PHC2: variants seen among roughly 807,000 people sequenced by gnomAD.
The protein encoded by PHC2 is polyhomeotic-like protein 2.
A neutral mutation model predicts 87.4 loss-of-function variants in PHC2; 29 were observed. That is an observed-to-expected ratio of 0.33 (90% confidence interval 0.25 to 0.45). The LOEUF is 0.45. PHC2 is among the 20% of genes least tolerant of loss of function. The pLI, the probability that PHC2 is intolerant of heterozygous loss-of-function variation, is 1.00. For missense variants in PHC2, 857 were observed against 1,136.7 expected (o/e 0.75, Z 3.54); for synonymous variants, 438 against 461.7 (o/e 0.95, Z 0.66).
At chr1:33,375,116 GTAT>G (rs1451272731) in intron 2 of PHC2, among the ~76,000 whole-genome samples, 3 of 152,318 alleles carry the variant, frequency 2.0e-5, no homozygotes, top group South Asian at 2.1e-4. Context: ...TCTTGGTCAT[GTAT>G]TATTTGTTAT....
intron 1 of PHC2, among the ~76,000 whole-genome samples, chr1:33,386,123 CTCAG>C (rs1308270776): frequency 6.6e-6 from 1 of 151,792 alleles, no homozygotes; most frequent in Non-Finnish European, 1.5e-5. Context: ...ATGTTATAAT[CTCAG>C]TCAGCTCTTC....
intron 14 of PHC2, among the ~76,000 whole-genome samples, chr1:33,326,816 G>C (rs978469826): frequency 3.9e-5 from 6 of 152,110 alleles, no homozygotes; most frequent in Non-Finnish European, 7.4e-5. Flanking sequence ...GCTGTGTGTG[G>C]TGGCGAATGT....
rs1648120393 is a variant in PHC2, at chr1:33,375,430, C to T, written c.110G>A (p.Ser37Asn). ...AATCTGGGGCCCGGTGGGGCGGCCA[C>T]TTCCACCACTGCTGCTGTTGTTGCA... The part of the protein sequence containing the change: ...SGCNNSSSGG[S>N]GRPTGPQISV... The change falls in exon 2 of 15, where the codon AGT becomes AAT. Residue 37 changes from serine to asparagine, a missense_variant. Coordinates refer to ENST00000683057, the MANE Select transcript of PHC2 (RefSeq NM_001385109.1). The T allele has an allele frequency of 6.2e-7, 1 of 1,612,386 alleles. No individual in the cohort carries two copies. Among genetic ancestry groups the T allele is most frequent in the East Asian group, 2.2e-5 (1 of 44,658 alleles).
At chr1:33,372,979 G>C (rs1192566239) in intron 2 of PHC2, among the ~76,000 whole-genome samples, 1 of 152,234 alleles carries the variant, frequency 6.6e-6, no homozygotes, top group African/African-American at 2.4e-5. Flanking sequence ...CCTTCTTGAG[G>C]CTGGGGCTGC....
intron 1 of PHC2, among the ~76,000 whole-genome samples, chr1:33,389,390 A>T (rs928244363): frequency 6.6e-6 from 1 of 152,236 alleles, no homozygotes; most frequent in Non-Finnish European, 1.5e-5. Flanking sequence ...ATTACATTAT[A>T]AACAGGAGTA....
intron 1 of PHC2, among the ~76,000 whole-genome samples, chr1:33,418,068 A>G (rs1364545071): frequency 6.6e-6 from 1 of 152,186 alleles, no homozygotes; most frequent in African/African-American, 2.4e-5. Flanking sequence ...TCTGTAGGAT[A>G]TAGCTAAAGT....
rs1293181975 is a variant in PHC2, at chr1:33,364,477, T to C, written c.976+2639A>G. 1.3e-5 allele frequency among the ~76,000 whole-genome samples: 2 copies of C among 151,490 alleles called. No individual in the cohort carries two copies. The highest frequency in any genetic ancestry group is 2.9e-5 in the Non-Finnish European group (2 of 67,914). On this transcript the variant is annotated intron_variant, in intron 7 of 14. Coordinates refer to ENST00000683057, the MANE Select transcript of PHC2 (RefSeq NM_001385109.1). The surrounding 1 kb of genome is among the most constrained non-coding windows in gnomAD (Gnocchi z 4.1). ...CTCAGATCCCTTGGTTCATTGACAG[T>C]GGGTTGGCTGGGCAGGAGGCCAGAA...
rs1648539686 is a variant in PHC2, at chr1:33,382,489, C to T, written c.-54-6896G>A. On this transcript the variant is annotated intron_variant, in intron 1 of 14. Coordinates refer to ENST00000683057, the MANE Select transcript of PHC2 (RefSeq NM_001385109.1). The surrounding 1 kb of genome is among the most constrained non-coding windows in gnomAD (Gnocchi z 4.3). ...ATTTCTTCCCCAAGGCCACCCATCC[C>T]TGCGGACTCCCATTATAAATCACAG... 6.6e-6 allele frequency among the ~76,000 whole-genome samples: 1 copy of T among 152,168 alleles called. No homozygotes were observed. The highest frequency in any genetic ancestry group is 1.5e-5 in the Non-Finnish European group (1 of 68,036).
chr1:33,325,158 C>T (rs1394062785), intron 14 of PHC2, 139 bp from the exon 15 acceptor site: 6 of 831,342 alleles, frequency 7.2e-6, no homozygotes, highest in South Asian at 4.0e-5. Context: ...TTGAGGAAGG[C>T]GCTGCTGTTC....
Position 33,382,461 on chromosome 1 carries a change from T to A in PHC2, c.-54-6868A>T, listed in dbSNP as rs1402132990. On this transcript the variant is annotated intron_variant, in intron 1 of 14. Transcript: ENST00000683057. This position sits in a 1 kb window ranked among gnomAD's most constrained non-coding sequence, Gnocchi z 4.3. ...TCTTTCCTTCTCTTCCAACTAGTTC[T>A]TTATTTCTTCCCCAAGGCCACCCAT... 1.3e-5 allele frequency among the ~76,000 whole-genome samples: 2 copies of A among 152,180 alleles called. No homozygotes were observed. Among genetic ancestry groups the A allele is most frequent in the African/African-American group, 2.4e-5 (1 of 41,454 alleles).
chr1:33,400,354 T>C (rs1230122166), intron 1 of PHC2, among the ~76,000 whole-genome samples: 2 of 152,232 alleles, frequency 1.3e-5, no homozygotes, highest in Non-Finnish European at 2.9e-5. Context: ...GCATTGTTTG[T>C]CATAGCAAAA....
chr1:33,384,069 G>A (rs1414114126), intron 1 of PHC2, among the ~76,000 whole-genome samples: 3 of 152,150 alleles, frequency 2.0e-5, no homozygotes, highest in Non-Finnish European at 4.4e-5. Context: ...AGCCTAAAAA[G>A]GTCAACTGAA....
Position 33,332,387 on chromosome 1 carries a change from C to G in PHC2, c.1779G>C (p.Leu593=), listed in dbSNP as rs555114860. The G allele has an allele frequency of 6.2e-6, 10 of 1,614,188 alleles. No individual in the cohort carries two copies. Among genetic ancestry groups the G allele is most frequent in the African/African-American group, 4.0e-5 (3 of 75,062 alleles). ...ACTTCTTCTTGAGATTCCCCACCAG[C>G]AGGGACGAGCGTCCCACCTAGAGGA... is the stretch of plus-strand genomic sequence containing the variant. The part of the protein sequence containing the change: ...AEPFPVGRSS[L]LVGNLKKKYA... Residue 593 remains leucine, a synonymous_variant, in exon 11 of 15, where the codon CTG becomes CTC. Coordinates refer to ENST00000683057, the MANE Select transcript of PHC2 (RefSeq NM_001385109.1). This position sits in a 1 kb window ranked among gnomAD's most constrained non-coding sequence, Gnocchi z 4.2.
intron 9 of PHC2, among the ~76,000 whole-genome samples, chr1:33,348,179 C>A (rs2148256609): frequency 6.6e-6 from 1 of 152,248 alleles, no homozygotes; most frequent in Non-Finnish European, 1.5e-5. Flanking sequence ...TATTTCTGTT[C>A]TAAAGTCAAA....
At chr1:33,393,041 T>A (rs1649136508) in intron 1 of PHC2, among the ~76,000 whole-genome samples, 2 of 152,156 alleles carry the variant, frequency 1.3e-5, no homozygotes, top group African/African-American at 4.8e-5. Context: ...TCCCTTCCCT[T>A]GTCCCCTCTA....
intron 1 of PHC2, among the ~76,000 whole-genome samples, chr1:33,415,151 G>C (rs1375394862): frequency 6.6e-6 from 1 of 152,158 alleles, no homozygotes; most frequent in Non-Finnish European, 1.5e-5. Context: ...ACATCCAGGA[G>C]GGCAAAGTGA....
rs1649822137 is a variant in PHC2 at position 33,407,757 on chromosome 1, GAGAT to G, written c.-55+23215_-55+23218del. ...GTATTTTTAAAATTCATTATTCTAA[GAGAT>G]AGTATTTTTATTTAAAAACAATTGC... On this transcript the variant is annotated intron_variant, in intron 1 of 14. Transcript: ENST00000683057. 2.0e-5 allele frequency among the ~76,000 whole-genome samples: 3 copies of G among 152,114 alleles called. No homozygotes were observed. In the South Asian group the frequency reaches 6.2e-4, roughly 32 times the overall value.
chr1:33,385,012 A>T (rs1256448273), intron 1 of PHC2, among the ~76,000 whole-genome samples: 4 of 152,248 alleles, frequency 2.6e-5, no homozygotes, highest in Admixed American at 2.6e-4. Flanking sequence ...ATTAGTAGCC[A>T]TTAGCACCTT....
At position 33,328,892 on chromosome 1, in the gene PHC2, G is replaced by A. The variant is rs150064930; in HGVS notation, c.2403C>T (p.Tyr801=). 389 of 1,609,744 alleles carry A rather than the reference G, an allele frequency of 2.4e-4. No individual in the cohort carries two copies. Among genetic ancestry groups the A allele is most frequent in the Non-Finnish European group, 3.0e-4 (358 of 1,176,336 alleles). The change falls in exon 14 of 15, where the codon TAC becomes TAT. Residue 801 remains tyrosine (Y), a synonymous_variant. Coordinates refer to ENST00000683057, the MANE Select transcript of PHC2 (RefSeq NM_001385109.1). Reference sequence around the variant, plus strand: ...TACCTGGCAGAGAGCGGATGAATTCGTAGACGTCTTCTACATTCCACTTGG... The same window carrying A: ...TACCTGGCAGAGAGCGGATGAATTCATAGACGTCTTCTACATTCCACTTGG... ...EPTKWNVEDV[Y]EFIRSLPGCQ... is the part of the protein sequence containing the mutation.
Sources: gnomAD v4.1 joint callset for allele counts (sites outside exome capture counted in the v4.1 genomes callset) on GRCh38, gnomAD v4.1.1 for gene constraint, Gnocchi (gnomAD v3.1) non-coding constraint, MANE v1.5 for transcripts, NCBI Gene and HGNC (gene_info 2026-07-23, HGNC 2026-07-21) for gene names.